SLC44A5: variants seen among roughly 807,000 people sequenced by gnomAD.
SLC44A5 encodes choline transporter-like protein 5.
SLC44A5 carries 57 observed loss-of-function variants against 101.8 expected under a neutral mutation model. The observed-to-expected ratio is 0.56, with a 90% confidence interval of 0.45 to 0.70. The LOEUF is 0.70. Among genes scored for constraint, SLC44A5 ranks in the 30% least tolerant of loss-of-function variants. The pLI, the probability that SLC44A5 is intolerant of heterozygous loss-of-function variation, is 0.00. For missense variants in SLC44A5, 737 were observed against 853.1 expected (o/e 0.86, Z 1.70); for synonymous variants, 281 against 290.9 (o/e 0.97, Z 0.35).
chr1:75,723,358 AG>A, the SLC44A5 span, among the ~76,000 whole-genome samples: 5 of 152,166 alleles, frequency 3.3e-5, no homozygotes, highest in Admixed American at 3.3e-4. Context: ...AATGAAAAGC[AG>A]CCCCAAATCC....
chr1:75,559,444 C>G (rs562338896), intron 1 of SLC44A5, among the ~76,000 whole-genome samples: 5 of 152,188 alleles, frequency 3.3e-5, no homozygotes, highest in African/African-American at 1.2e-4. Context: ...GGTCAGTTAG[C>G]ACCAAATATT....
At chr1:75,623,524 AC>A in the SLC44A5 span, among the ~76,000 whole-genome samples, 2 of 151,940 alleles carry the variant, frequency 1.3e-5, no homozygotes, top group African/African-American at 4.8e-5. Flanking sequence ...TATTGTGTAT[AC>A]TATTGTACTG....
chr1:75,393,675 C>T (rs1661942640), intron 3 of SLC44A5, among the ~76,000 whole-genome samples: 1 of 152,074 alleles, frequency 6.6e-6, no homozygotes, highest in Non-Finnish European at 1.5e-5. Context: ...TTTTAAATAG[C>T]AGTTGGTTAT....
At chr1:75,280,507 T>A (rs1345443361) in intron 5 of SLC44A5, among the ~76,000 whole-genome samples, 16 of 121,314 alleles carry the variant, frequency 1.3e-4, no homozygotes, top group African/African-American at 4.0e-4. Context: ...TATATATATA[T>A]AAAAAAACAC....
At chr1:75,477,854 C>A (rs1667532632) in intron 2 of SLC44A5, among the ~76,000 whole-genome samples, 1 of 151,982 alleles carries the variant, frequency 6.6e-6, no homozygotes, top group Non-Finnish European at 1.5e-5. Flanking sequence ...GAGAACTTCC[C>A]CAATCTAGCA....
At chr1:75,369,005 CTCTT>C (rs1660045902) in intron 3 of SLC44A5, among the ~76,000 whole-genome samples, 1 of 118,766 alleles carries the variant, frequency 8.4e-6, no homozygotes, top group South Asian at 2.6e-4. Flanking sequence ...GATTCGTTCT[CTCTT>C]TCTCACATTT....
At chr1:75,710,015 C>T in the SLC44A5 span, 3 of 152,026 alleles carry the variant, frequency 2.0e-5, no homozygotes, top group African/African-American at 7.2e-5. Context: ...CTGTATGATT[C>T]CATTTATATA....
At chr1:75,591,763 G>T (rs1042175898) in intron 1 of SLC44A5, among the ~76,000 whole-genome samples, 3 of 151,818 alleles carry the variant, frequency 2.0e-5, no homozygotes, top group African/African-American at 7.3e-5. Context: ...TCAACAGAAT[G>T]AAGGATAAAA....
chr1:75,498,342 C>T (rs1668779684), intron 2 of SLC44A5, among the ~76,000 whole-genome samples: 1 of 152,218 alleles, frequency 6.6e-6, no homozygotes, highest in Middle Eastern at 3.4e-3. Flanking sequence ...AGCCAAGGAA[C>T]CAACAATAAA....
At chr1:75,281,778 A>G (rs1211102496) in intron 5 of SLC44A5, among the ~76,000 whole-genome samples, 2 of 151,768 alleles carry the variant, frequency 1.3e-5, no homozygotes, top group East Asian at 2.0e-4. Context: ...CAACTTCCAT[A>G]TGGTGTTGGT....
At chr1:75,713,875 T>G in the SLC44A5 span, among the ~76,000 whole-genome samples, 1 of 152,190 alleles carries the variant, frequency 6.6e-6, no homozygotes, top group Non-Finnish European at 1.5e-5. Context: ...CAAACACAGC[T>G]GAATGCAACC....
chr1:75,394,532 C>T (rs942650777), intron 3 of SLC44A5, among the ~76,000 whole-genome samples: 3 of 152,080 alleles, frequency 2.0e-5, no homozygotes, highest in Non-Finnish European at 4.4e-5. Context: ...AGAGGCAATG[C>T]TGATAGAGGT....
chr1:75,251,393 T>C, intron 6 of SLC44A5, 99 bp from the exon 7 acceptor site: 1 of 911,698 alleles, frequency 1.1e-6, no homozygotes, highest in South Asian at 1.6e-5. Flanking sequence ...TAAAAATTGG[T>C]TTCATTATCT....
chr1:75,312,554 C>A (rs888504342), intron 4 of SLC44A5, among the ~76,000 whole-genome samples: 2 of 152,028 alleles, frequency 1.3e-5, no homozygotes, highest in African/African-American at 4.8e-5. Context: ...TCCTGTCCTT[C>A]TTCTGTGGCA....
chr1:75,510,233 G>C (rs1430281652), intron 2 of SLC44A5, among the ~76,000 whole-genome samples: 2 of 151,824 alleles, frequency 1.3e-5, no homozygotes, highest in Non-Finnish European at 2.9e-5. Flanking sequence ...CTGAGATGAG[G>C]GACATCTAAC....
chr1:75,698,493 A>T, the SLC44A5 span, among the ~76,000 whole-genome samples: 3 of 152,178 alleles, frequency 2.0e-5, no homozygotes, highest in Non-Finnish European at 4.4e-5. Flanking sequence ...CACACCAAAA[A>T]CCCATCTGTA....
intron 2 of SLC44A5, among the ~76,000 whole-genome samples, chr1:75,514,666 T>G (rs1482401595): frequency 1.3e-5 from 2 of 152,250 alleles, no homozygotes; most frequent in Admixed American, 1.3e-4. Context: ...GCAGTTCATT[T>G]TAGACTATGC....
At position 75,341,910 on chromosome 1, in the gene SLC44A5, G is replaced by A. The variant is rs766937157; in HGVS notation, c.53-2280C>T. 8.5e-4 allele frequency among the ~76,000 whole-genome samples: 130 copies of A among 152,122 alleles called. 3 individuals are homozygous for A. Among genetic ancestry groups the A allele is most frequent in the Non-Finnish European group, 3.2e-4 (22 of 68,034 alleles). On this transcript the variant is annotated intron_variant, in intron 3 of 23. Transcript: ENST00000370859. ...AATATTCTAATTCCATAGATCTGAGGAATGGGCCTGAGAATCTGTATTTTT... is the reference window on the plus strand; with the variant it reads ...AATATTCTAATTCCATAGATCTGAGAAATGGGCCTGAGAATCTGTATTTTT...
intron 4 of SLC44A5, among the ~76,000 whole-genome samples, chr1:75,305,038 T>G (rs1319125899): frequency 6.6e-6 from 1 of 152,200 alleles, no homozygotes; most frequent in East Asian, 1.9e-4. Context: ...GAACTACTAT[T>G]GCTACCTTAT....
Sources: allele counts gnomAD v4.1 joint callset (sites outside exome capture counted in the v4.1 genomes callset), GRCh38; gene constraint gnomAD v4.1.1; transcripts MANE v1.5; gene names NCBI Gene and HGNC (gene_info 2026-07-23, HGNC 2026-07-21).